ANLN: variants seen among roughly 807,000 people sequenced by gnomAD.
ANLN encodes the protein anillin.
In ANLN, 59 loss-of-function variants were observed where a neutral mutation model predicts 135.1. The ratio of observed to expected loss-of-function variants is 0.44; its 90% CI spans 0.35 to 0.54. ANLN has a LOEUF of 0.54. Ranked by LOEUF, ANLN falls within the 20% of genes least tolerant of loss-of-function variation. The probability of loss-of-function intolerance (pLI) is 0.00; values close to 1 mark genes in which losing one functional copy is unlikely to be tolerated. For missense variants in ANLN, 1,182 were observed against 1,340.0 expected (o/e 0.88, Z 1.84); for synonymous variants, 406 against 456.4 (o/e 0.89, Z 1.41).
At chr7:36,447,485 C>T (rs1222530144) in intron 22 of ANLN, among the ~76,000 whole-genome samples, 2 of 146,090 alleles carry the variant, frequency 1.4e-5, no homozygotes, top group Non-Finnish European at 3.0e-5. Flanking sequence ...AGTGCAGTCG[C>T]GGGATCTCGG....
rs544242089 is a variant in ANLN, at chr7:36,445,329, A to G, written c.3078+1467A>G. 1.6e-3 allele frequency among the ~76,000 whole-genome samples: 246 copies of G among 152,042 alleles called. 2 individuals are homozygous for G. The highest frequency in any genetic ancestry group is 2.9e-3 in the Non-Finnish European group (200 of 67,948). ...AGTTTTGGATTTTGGAGCATTTCAG[A>G]TTTCAAGATTTTCAGATTTTGGATG... On this transcript the variant is annotated intron_variant, in intron 22 of 23. Coordinates refer to ENST00000265748, the MANE Select transcript of ANLN (RefSeq NM_018685.5).
At chr7:36,436,653 A>G (rs1788560571) in intron 20 of ANLN, among the ~76,000 whole-genome samples, 1 of 152,224 alleles carries the variant, frequency 6.6e-6, no homozygotes, top group Non-Finnish European at 1.5e-5. Context: ...AATTATAACC[A>G]TCCTAGTGGG....
In ANLN at chr7:36,452,931, G is replaced by C. The variant is rs1789306362; in HGVS notation, c.*331G>C. The C allele has an allele frequency of 1.2e-5, 2 of 172,940 alleles. No individual in the cohort carries two copies. Among genetic ancestry groups the C allele is most frequent in the South Asian group, 2.8e-4 (2 of 7,044 alleles). The allele number at this position is 172,940 out of a possible 1,614,324, so 10.7% of individuals were successfully genotyped here. On this transcript the variant is annotated 3_prime_UTR_variant, in exon 24 of 24. Coordinates refer to ENST00000265748, the MANE Select transcript of ANLN (RefSeq NM_018685.5). ...TCTGAGTTGTCTTCTTGGAGCTGTA[G>C]GTCTTGAAGCAGCAACGTCTTTCAG...
chr7:36,436,736 G>A (rs1788564406), intron 20 of ANLN, among the ~76,000 whole-genome samples: 1 of 152,114 alleles, frequency 6.6e-6, no homozygotes, highest in Non-Finnish European at 1.5e-5. Flanking sequence ...GTCTTTTCAT[G>A]TGCTCATTGG....
chr7:36,427,667 C>G (rs1788143357), intron 20 of ANLN, among the ~76,000 whole-genome samples: 1 of 152,200 alleles, frequency 6.6e-6, no homozygotes, highest in African/African-American at 2.4e-5. Flanking sequence ...CTATTTGAAC[C>G]TATATTTTGA....
intron 21 of ANLN, among the ~76,000 whole-genome samples, chr7:36,443,240 G>A (rs1486298772): frequency 6.6e-6 from 1 of 152,136 alleles, no homozygotes; most frequent in Non-Finnish European, 1.5e-5. Flanking sequence ...TTGGAGTTTT[G>A]ATGTTTATCA....
At chr7:36,427,814 G>A (rs1256027503) in intron 20 of ANLN, among the ~76,000 whole-genome samples, 1 of 152,086 alleles carries the variant, frequency 6.6e-6, no homozygotes, top group Non-Finnish European at 1.5e-5. Flanking sequence ...AATCAGATCT[G>A]TGTTAACATC....
At position 36,407,932 on chromosome 7, in the gene ANLN, TC is replaced by T; in HGVS notation, c.1073del (p.Ser358LeufsTer66). On this transcript the variant is annotated frameshift_variant, in exon 5 of 24. Coordinates refer to ENST00000265748, the MANE Select transcript of ANLN (RefSeq NM_018685.5). LOFTEE classifies it high-confidence loss of function. ...LSREICLQSQ[S>X]KDKSTTPGGT... ...TAGAGAAATTTGTCTGCAATCTCAA[TC>T]TAAAGACAAATCTACGACACCAGGT... 6.2e-7 allele frequency: 1 copy of T among 1,613,406 alleles called. No individual in the cohort carries two copies. The highest frequency in any genetic ancestry group is 8.5e-7 in the Non-Finnish European group (1 of 1,179,548).
chr7:36,422,575 G>A, intron 13 of ANLN, 58 bp from the exon 14 acceptor site: 1 of 1,450,058 alleles, frequency 6.9e-7, no homozygotes, highest in African/African-American at 1.4e-5. Flanking sequence ...TTTTGAATTT[G>A]CTCTCATTAG....
chr7:36,418,384 G>A (rs1286760060), intron 9 of ANLN, among the ~76,000 whole-genome samples: 1 of 152,222 alleles, frequency 6.6e-6, no homozygotes, highest in African/African-American at 2.4e-5. Context: ...GATGGCAGGA[G>A]AGTTCTGTTT....
intron 7 of ANLN, among the ~76,000 whole-genome samples, chr7:36,412,152 C>T (rs1222490902): frequency 1.3e-5 from 2 of 151,394 alleles, no homozygotes; most frequent in South Asian, 2.1e-4. Context: ...TAAACACACA[C>T]GTGCAGTGAT....
At chr7:36,427,070 A>T (rs1554346158) in intron 20 of ANLN, 42 bp downstream of exon 20, 5 of 1,297,826 alleles carry the variant, frequency 3.9e-6, no homozygotes, top group Non-Finnish European at 5.4e-6. Flanking sequence ...TTTTTTTTTT[A>T]ATCTTAGAAA....
intron 12 of ANLN, 36 bp from the exon 13 acceptor site, chr7:36,421,821 T>A: frequency 6.5e-7 from 1 of 1,543,280 alleles, no homozygotes; most frequent in Non-Finnish European, 8.8e-7. Context: ...TGATTTAAAA[T>A]GTGTATATTT....
chr7:36,452,551 T>C lies in ANLN; in HGVS notation c.3326T>C (p.Ile1109Thr), dbSNP rs1338997521. ...AAACTCAATCAAGTTCTTGTTGATA[T>C]TCGCCTCTGGCAACCTGATGCTTGC... ...MQKLNQVLVD[I>T]RLWQPDACYK... The change falls in exon 24 of 24, where the codon ATT becomes ACT. Residue 1109 changes from isoleucine (I) to threonine (T), a missense_variant. Physicochemically the swap from Ile to Thr is moderately conservative, Grantham distance 89 (BLOSUM62 -1). Coordinates refer to ENST00000265748, the MANE Select transcript of ANLN (RefSeq NM_018685.5). The C allele has an allele frequency of 2.5e-6, 4 of 1,613,988 alleles. No individual in the cohort carries two copies. Among genetic ancestry groups the C allele is most frequent in the Non-Finnish European group, 2.5e-6 (3 of 1,179,974 alleles).
intron 5 of ANLN, among the ~76,000 whole-genome samples, chr7:36,408,605 T>A (rs148328828): frequency 3.3e-5 from 5 of 152,214 alleles, no homozygotes; most frequent in African/African-American, 4.8e-5. Flanking sequence ...TTGTAGCTAT[T>A]TTGAAGTATA....
chr7:36,391,026 T>A (rs1187789097), intron 1 of ANLN, among the ~76,000 whole-genome samples: 1 of 152,256 alleles, frequency 6.6e-6, no homozygotes, highest in African/African-American at 2.4e-5. Context: ...CGGGGAGATG[T>A]AATTATAATT....
chr7:36,403,643 A>G (rs574820498), intron 3 of ANLN: 13 of 152,196 alleles, frequency 8.5e-5, no homozygotes, highest in South Asian at 6.2e-4. Flanking sequence ...ATGTATATCA[A>G]TGAGGGGATG....
At chr7:36,424,653 T>C (rs1313095502) in intron 16 of ANLN, 33 bp from the exon 17 acceptor site, 1 of 1,605,640 alleles carries the variant, frequency 6.2e-7, no homozygotes, top group South Asian at 1.1e-5. Flanking sequence ...AATATCAGAT[T>C]ATAAATTAAT....
Position 36,406,263 on chromosome 7 carries a change from T to C in ANLN, c.570T>C (p.Asn190=). ...AASPPRPLLS[N]ASATPVGRRG... ...CCCCTCCCAGACCTCTGCTTTCAAA[T>C]GCCTCGGCAACTCCAGTTGGCAGAA... The change falls in exon 4 of 24, where the codon AAT becomes AAC. Residue 190 remains asparagine, a synonymous_variant. Coordinates refer to ENST00000265748, the MANE Select transcript of ANLN (RefSeq NM_018685.5). The C allele has an allele frequency of 6.2e-7, 1 of 1,614,130 alleles. No individual in the cohort carries two copies. Among genetic ancestry groups the C allele is most frequent in the Non-Finnish European group, 8.5e-7 (1 of 1,179,956 alleles).
Sources: gnomAD v4.1 joint callset for allele counts (sites outside exome capture counted in the v4.1 genomes callset) on GRCh38, gnomAD v4.1.1 for gene constraint, MANE v1.5 for transcripts, NCBI Gene and HGNC (gene_info 2026-07-23, HGNC 2026-07-21) for gene names.